DCPS: variants seen among roughly 807,000 people sequenced by gnomAD.
DCPS encodes the protein m7GpppX diphosphatase.
DCPS carries 27 observed loss-of-function variants against 34.7 expected under a neutral mutation model. The ratio of observed to expected loss-of-function variants is 0.78; its 90% CI spans 0.57 to 1.07. DCPS has a LOEUF of 1.07. Among genes scored for constraint, DCPS ranks in the 50% least tolerant of loss-of-function variants. The pLI is 0.00. For synonymous variants in DCPS, 185 were observed against 185.7 expected (o/e 1.00, Z 0.03); for missense variants, 464 against 436.9 (o/e 1.06, Z -0.55).
chr11:126,310,038 A>T (rs2135310307), intron 2 of DCPS, among the ~76,000 whole-genome samples: 1 of 152,314 alleles, frequency 6.6e-6, no homozygotes, highest in South Asian at 2.1e-4. Context: ...TTTACCACTC[A>T]AAGTGTGGTT....
chr11:126,322,118 C>A lies in DCPS; in HGVS notation c.377-9287C>A, dbSNP rs1951711312. Among the ~76,000 whole-genome samples the A allele has an allele frequency of 6.6e-6, 1 of 152,236 alleles. No individual in the cohort carries two copies. Among genetic ancestry groups the A allele is most frequent in the Non-Finnish European group, 1.5e-5 (1 of 68,026 alleles). On this transcript the variant is annotated intron_variant, in intron 2 of 5. Coordinates refer to ENST00000263579, the MANE Select transcript of DCPS (RefSeq NM_014026.6). The surrounding 1 kb of genome is among the most constrained non-coding windows in gnomAD (Gnocchi z 4.2). ...TAAGATTGAAAGGGCTCAGCAATTA[C>A]CTAGCACAATGGATGAAGATAAAAC...
At chr11:126,339,453 C>T (rs1036055351) in intron 4 of DCPS, among the ~76,000 whole-genome samples, 3 of 152,110 alleles carry the variant, frequency 2.0e-5, no homozygotes, top group East Asian at 1.9e-4. Context: ...TCAGTTTTGA[C>T]GTGGGGTAAA....
rs1951710340 is a variant in DCPS at position 126,322,042 on chromosome 11, C to T, written c.377-9363C>T. Reference sequence around the variant, plus strand: ...GGCAGAGAAAATGAAGAAGAAAGGTCTTTAAAGAAATAATTCAAGACAGTT... The same window carrying T: ...GGCAGAGAAAATGAAGAAGAAAGGTTTTTAAAGAAATAATTCAAGACAGTT... On this transcript the variant is annotated intron_variant, in intron 2 of 5. Transcript: ENST00000263579. This position sits in a 1 kb window ranked among gnomAD's most constrained non-coding sequence, Gnocchi z 4.2. Among the ~76,000 whole-genome samples, 1 of 152,084 alleles carries T rather than the reference C, an allele frequency of 6.6e-6. No individual in the cohort carries two copies. Among genetic ancestry groups the T allele is most frequent in the Non-Finnish European group, 1.5e-5 (1 of 68,006 alleles).
Position 126,346,631 on chromosome 11 carries a change from C to CA in DCPS, c.*1019dup, listed in dbSNP as rs1951932001. 1.3e-5 allele frequency among the ~76,000 whole-genome samples: 2 copies of CA among 152,208 alleles called. No individual in the cohort carries two copies. Among genetic ancestry groups the CA allele is most frequent in the South Asian group, 2.1e-4 (1 of 4,834 alleles). On this transcript the variant is annotated 3_prime_UTR_variant, in exon 6 of 6. Coordinates refer to ENST00000263579, the MANE Select transcript of DCPS (RefSeq NM_014026.6). The surrounding 1 kb of genome is among the most constrained non-coding windows in gnomAD (Gnocchi z 4.1). ...GAGGGGCTGGTGTTTGCCACTTTGT[C>CA]AGAGTAGGGCTGTGGATTTTGTGCC...
At position 126,329,910 on chromosome 11, in the gene DCPS, C is replaced by T. The variant is rs1031675169; in HGVS notation, c.377-1495C>T. 6.6e-6 allele frequency among the ~76,000 whole-genome samples: 1 copy of T among 152,104 alleles called. No homozygotes were observed. The highest frequency in any genetic ancestry group is 6.6e-5 in the Admixed American group (1 of 15,266). On this transcript the variant is annotated intron_variant, in intron 2 of 5. Coordinates refer to ENST00000263579, the MANE Select transcript of DCPS (RefSeq NM_014026.6). The surrounding 1 kb of genome is among the most constrained non-coding windows in gnomAD (Gnocchi z 5.0). ...CTCTCTCGGGTTTCCCTGGGAGAGCCTATCCGAACCCAGATTAAGAAAGTC... is the reference window on the plus strand; with the variant it reads ...CTCTCTCGGGTTTCCCTGGGAGAGCTTATCCGAACCCAGATTAAGAAAGTC...
rs1343949507 is a variant in DCPS at position 126,325,978 on chromosome 11, C to T, written c.377-5427C>T. Among the ~76,000 whole-genome samples, 2 of 152,042 alleles carry T rather than the reference C, an allele frequency of 1.3e-5. No individual in the cohort carries two copies. Among genetic ancestry groups the T allele is most frequent in the African/African-American group, 2.4e-5 (1 of 41,398 alleles). On this transcript the variant is annotated intron_variant, in intron 2 of 5. Coordinates refer to ENST00000263579, the MANE Select transcript of DCPS (RefSeq NM_014026.6). The surrounding 1 kb of genome is among the most constrained non-coding windows in gnomAD (Gnocchi z 4.3). Reference sequence around the variant, plus strand: ...ACTAAAAATACAAGTATTAGCCAGGCGTGGTGGCGTGGGCCTGTAATCCTA... The same window carrying T: ...ACTAAAAATACAAGTATTAGCCAGGTGTGGTGGCGTGGGCCTGTAATCCTA...
chr11:126,306,197 A>C, intron 1 of DCPS, among the ~76,000 whole-genome samples: 1 of 151,864 alleles, frequency 6.6e-6, no homozygotes, highest in Non-Finnish European at 1.5e-5. Flanking sequence ...ACATGGTGAA[A>C]CCCCATCTCT....
Position 126,322,192 on chromosome 11 carries a change from C to A in DCPS, c.377-9213C>A, listed in dbSNP as rs1202568684. 6.6e-6 allele frequency among the ~76,000 whole-genome samples: 1 copy of A among 152,180 alleles called. No homozygotes were observed. The highest frequency in any genetic ancestry group is 6.6e-5 in the Admixed American group (1 of 15,266). ...TCAGGGCATTGGAGACAGAAGAAAA[C>A]AGGTCACAAAGAACTGGGCATCATA... On this transcript the variant is annotated intron_variant, in intron 2 of 5. Coordinates refer to ENST00000263579, the MANE Select transcript of DCPS (RefSeq NM_014026.6). This position sits in a 1 kb window ranked among gnomAD's most constrained non-coding sequence, Gnocchi z 4.2.
rs1951730607 is a variant in DCPS, at chr11:126,325,085, G to A, written c.377-6320G>A. On this transcript the variant is annotated intron_variant, in intron 2 of 5. Transcript: ENST00000263579. This position sits in a 1 kb window ranked among gnomAD's most constrained non-coding sequence, Gnocchi z 4.3. ...GTAATCCCAGCTACTCACTCGGGTT[G>A]CTGAGGCACGAGAATCGCTTGAACC... Among the ~76,000 whole-genome samples the A allele has an allele frequency of 6.6e-6, 1 of 152,140 alleles. No individual in the cohort carries two copies. Among genetic ancestry groups the A allele is most frequent in the Admixed American group, 6.5e-5 (1 of 15,278 alleles).
chr11:126,305,038 T>C (rs1055664675), intron 1 of DCPS, among the ~76,000 whole-genome samples: 17 of 152,216 alleles, frequency 1.1e-4, no homozygotes, highest in African/African-American at 4.1e-4. Flanking sequence ...AACTCTCACC[T>C]TTGGGAGGAT....
rs926113917 is a variant in DCPS, at chr11:126,344,089, GGTCTGA to G, written c.747+677_747+682del. ...CTAAATCCACCATCCTAAGGGGCTG[GGTCTGA>G]GTCTTTTTTCCACTCTGAAATGTGA... On this transcript the variant is annotated intron_variant, in intron 5 of 5. Transcript: ENST00000263579. This position sits in a 1 kb window ranked among gnomAD's most constrained non-coding sequence, Gnocchi z 8.1. Among the ~76,000 whole-genome samples, 1 of 152,044 alleles carries G rather than the reference GGTCTGA, an allele frequency of 6.6e-6. No individual in the cohort carries two copies. The highest frequency in any genetic ancestry group is 1.5e-5 in the Non-Finnish European group (1 of 68,014).
At chr11:126,330,490 C>A (rs757647173) in intron 2 of DCPS, among the ~76,000 whole-genome samples, 20 of 151,670 alleles carry the variant, frequency 1.3e-4, no homozygotes, top group Non-Finnish European at 2.5e-4. Flanking sequence ...TTTTACTATC[C>A]TCATTTGGCA....
chr11:126,314,172 C>T (rs527699136), intron 2 of DCPS, among the ~76,000 whole-genome samples: 5 of 152,204 alleles, frequency 3.3e-5, no homozygotes, highest in Non-Finnish European at 5.9e-5. Flanking sequence ...CGTTTAGCTC[C>T]CACGTATAAG....
rs1951947493 is a variant in DCPS at position 126,347,578 on chromosome 11, A to T, written c.*1965A>T. On this transcript the variant is annotated 3_prime_UTR_variant, in exon 6 of 6. Coordinates refer to ENST00000263579, the MANE Select transcript of DCPS (RefSeq NM_014026.6). This position sits in a 1 kb window ranked among gnomAD's most constrained non-coding sequence, Gnocchi z 4.2. Reference sequence around the variant, plus strand: ...AGGCAACATGGAGTTGCAGCCAAGGAACTTTGAGGTAGTGACCAATGCAGG... The same window carrying T: ...AGGCAACATGGAGTTGCAGCCAAGGTACTTTGAGGTAGTGACCAATGCAGG... Among the ~76,000 whole-genome samples, 1 of 152,186 alleles carries T rather than the reference A, an allele frequency of 6.6e-6. No homozygotes were observed. The highest frequency in any genetic ancestry group is 2.1e-4 in the South Asian group (1 of 4,828).
chr11:126,340,212 G>T (rs1224852193), intron 4 of DCPS, among the ~76,000 whole-genome samples: 3 of 152,250 alleles, frequency 2.0e-5, no homozygotes, highest in African/African-American at 7.2e-5. Flanking sequence ...CACTCTGGCT[G>T]CCAGCCACAG....
At chr11:126,304,828 G>T (rs1220373400) in intron 1 of DCPS, among the ~76,000 whole-genome samples, 3 of 152,234 alleles carry the variant, frequency 2.0e-5, no homozygotes, top group Non-Finnish European at 4.4e-5. Context: ...CAGGACTACG[G>T]AATATTTCTG....
intron 4 of DCPS, among the ~76,000 whole-genome samples, chr11:126,340,290 G>A (rs1951866309): frequency 6.6e-6 from 1 of 152,160 alleles, no homozygotes; most frequent in Non-Finnish European, 1.5e-5. Flanking sequence ...GCTTCATAGC[G>A]ATGCAGGTGT....
chr11:126,311,471 C>T (rs1442600282), intron 2 of DCPS, among the ~76,000 whole-genome samples: 1 of 152,174 alleles, frequency 6.6e-6, no homozygotes, highest in Non-Finnish European at 1.5e-5. Flanking sequence ...AGGCAGACAG[C>T]AAACAAGGAA....
intron 5 of DCPS, among the ~76,000 whole-genome samples, chr11:126,343,722 G>C (rs1190213722): frequency 1.3e-5 from 2 of 152,112 alleles, no homozygotes; most frequent in African/African-American, 4.8e-5. Flanking sequence ...AGGATCACCT[G>C]TCTCTCTCAT....
Sources: gnomAD v4.1 joint callset for allele counts (sites outside exome capture counted in the v4.1 genomes callset) on GRCh38, gnomAD v4.1.1 for gene constraint, Gnocchi (gnomAD v3.1) non-coding constraint, MANE v1.5 for transcripts, NCBI Gene and HGNC (gene_info 2026-07-23, HGNC 2026-07-21) for gene names.